GTPBP4: variants seen among roughly 807,000 people sequenced by gnomAD.
GTPBP4 encodes the protein GTP-binding protein 4.
A neutral mutation model predicts 81.7 loss-of-function variants in GTPBP4; 15 were observed. That is an observed-to-expected ratio of 0.18 (90% CI 0.12 to 0.28). The LOEUF is 0.28. Among genes scored for constraint, GTPBP4 ranks in the 10% least tolerant of loss-of-function variants. GTPBP4 has a pLI of 1.00. For synonymous variants in GTPBP4, 272 were observed against 274.6 expected (o/e 0.99, Z 0.09); for missense variants, 847 against 793.8 (o/e 1.07, Z -0.81).
chr10:1,005,963 A>C (rs929228917), intron 9 of GTPBP4, 56 bp downstream of exon 9: 1 of 887,262 alleles, frequency 1.1e-6, no homozygotes, highest in African/African-American at 1.7e-5. Flanking sequence ...GTTTGATTCA[A>C]GTCAGTTGTG....
intron 16 of GTPBP4, 66 bp from the exon 17 acceptor site, chr10:1,017,009 T>G: frequency 7.4e-7 from 1 of 1,349,704 alleles, no homozygotes; most frequent in Non-Finnish European, 1.0e-6. Context: ...ACCCAGTAGT[T>G]GAAATTCAGA....
Position 988,517 on chromosome 10 carries a change from C to G in GTPBP4, c.38C>G (p.Pro13Arg), listed in dbSNP as rs144664436. The G allele has an allele frequency of 7.0e-5, 113 of 1,612,600 alleles. No individual in the cohort carries two copies. The highest frequency in any genetic ancestry group is 3.2e-4 in the African/African-American group (24 of 75,048). ...HYNFKKITVV[P>R]SAKDFIDLTL... ...AACTTCAAGAAAATTACGGTGGTGC[C>G]GTCCGCCAAGGTAGGCGGCCCCGGG... The change falls in exon 1 of 17, where the codon CCG becomes CGG. Residue 13 changes from proline (P) to arginine (R), a missense_variant. Pro to Arg is a moderately radical substitution (Grantham distance 103, BLOSUM62 -2). Coordinates refer to ENST00000360803, the MANE Select transcript of GTPBP4 (RefSeq NM_012341.3).
chr10:994,537 C>T (rs767467191), intron 2 of GTPBP4, among the ~76,000 whole-genome samples: 1 of 152,190 alleles, frequency 6.6e-6, no homozygotes, highest in Non-Finnish European at 1.5e-5. Flanking sequence ...TCCCAAAGTG[C>T]TGGGATTACA....
In GTPBP4 at chr10:1,014,311, A is replaced by G. The variant is rs1472835911; in HGVS notation, c.1607A>G (p.Asp536Gly). 1 of 1,604,218 alleles carries G rather than the reference A, an allele frequency of 6.2e-7. No homozygotes were observed. The highest frequency in any genetic ancestry group is 2.2e-5 in the East Asian group (1 of 44,812). ...GGTGTTGACATGGACGATAAAGACG[A>G]TGTGAGTGTGGGGGCGGTTCATGTG... ...SLGVDMDDKD[D>G]AHYAVQARRS... Residue 536 changes from aspartate (D) to glycine (G), a missense_variant and splice_region_variant, in exon 15 of 17, where the codon GAT becomes GGT. Physicochemically the swap from Asp to Gly is moderately conservative, Grantham distance 94. Coordinates refer to ENST00000360803, the MANE Select transcript of GTPBP4 (RefSeq NM_012341.3).
At chr10:1,004,674 C>T (rs1831693270) in intron 8 of GTPBP4, among the ~76,000 whole-genome samples, 1 of 152,152 alleles carries the variant, frequency 6.6e-6, no homozygotes, top group Non-Finnish European at 1.5e-5. Flanking sequence ...GTGCTATTTA[C>T]CAGGAGGCAG....
intron 11 of GTPBP4, 121 bp from the exon 12 acceptor site, chr10:1,009,408 A>G: frequency 1.3e-6 from 1 of 754,566 alleles, no homozygotes; most frequent in Non-Finnish European, 2.4e-6. Flanking sequence ...CAGAAATGGA[A>G]GGTGAACCCC....
chr10:989,289 A>G (rs1165353046), intron 1 of GTPBP4, among the ~76,000 whole-genome samples: 4 of 151,882 alleles, frequency 2.6e-5, no homozygotes, highest in Non-Finnish European at 5.9e-5. Context: ...TAATTTTCGT[A>G]TTTTTAGTAG....
chr10:1,007,696 C>G (rs1257782743), intron 10 of GTPBP4, among the ~76,000 whole-genome samples: 1 of 152,248 alleles, frequency 6.6e-6, no homozygotes, highest in East Asian at 1.9e-4. Flanking sequence ...GACAACGTTC[C>G]TGTCCCACAG....
Position 1,019,803 on chromosome 10 carries a change from A to T in GTPBP4, c.*2576A>T. 3 of 1,614,044 alleles carry T rather than the reference A, an allele frequency of 1.9e-6. No homozygotes were observed. The highest frequency in any genetic ancestry group is 2.5e-6 in the Non-Finnish European group (3 of 1,179,918). On this transcript the variant is annotated 3_prime_UTR_variant, in exon 17 of 17. Transcript: ENST00000360803. ...GTCTGATTTTGCCTTGTGGTGATAG[A>T]TTGTCATGAACACAATGTCCTCTGG...
chr10:1,013,813 G>A (rs1831924761), intron 14 of GTPBP4, among the ~76,000 whole-genome samples: 3 of 152,160 alleles, frequency 2.0e-5, no homozygotes, highest in Admixed American at 2.0e-4. Context: ...TGAATACACT[G>A]TTTTCACATG....
chr10:1,011,085 TGTG>T (rs1476569449), intron 13 of GTPBP4, among the ~76,000 whole-genome samples: 17 of 95,114 alleles, frequency 1.8e-4, no homozygotes, highest in East Asian at 8.0e-4. Flanking sequence ...CCATCCTGAC[TGTG>T]CCTCCTGCAC....
At chr10:1,003,916 G>C (rs1283521459) in intron 8 of GTPBP4, among the ~76,000 whole-genome samples, 1 of 152,136 alleles carries the variant, frequency 6.6e-6, no homozygotes, top group Non-Finnish European at 1.5e-5. Flanking sequence ...CCTAGCCTTA[G>C]GGTCTTGTGT....
intron 2 of GTPBP4, 148 bp from the exon 3 acceptor site, chr10:995,781 C>A: frequency 1.7e-6 from 1 of 597,296 alleles, no homozygotes. Flanking sequence ...TCTCAGAGGA[C>A]TAAATAGACA....
intron 8 of GTPBP4, among the ~76,000 whole-genome samples, chr10:1,004,911 C>T (rs1321944120): frequency 3.3e-5 from 5 of 152,184 alleles, no homozygotes; most frequent in Admixed American, 2.6e-4. Context: ...GGAGTATAGC[C>T]GCCCCATGGG....
intron 8 of GTPBP4, among the ~76,000 whole-genome samples, chr10:1,005,338 G>C (rs371883107): frequency 1.3e-5 from 2 of 152,204 alleles, no homozygotes; most frequent in South Asian, 4.1e-4. Flanking sequence ...GCAGAGACAG[G>C]GTTTCACCAT....
rs12772979 is a variant in GTPBP4 at position 988,472 on chromosome 10, C to T, written c.-8C>T. ...GTGCCAAGTACCCGCGTGCATACGG[C>T]TGCCGGCATGGCACATTACAACTTC... On this transcript the variant is annotated 5_prime_UTR_variant, in exon 1 of 17. Coordinates refer to ENST00000360803, the MANE Select transcript of GTPBP4 (RefSeq NM_012341.3). 255,994 of 1,609,230 alleles carry T rather than the reference C, an allele frequency of 0.16. 23,008 individuals carry two copies. Among genetic ancestry groups the T allele is most frequent in the Non-Finnish European group, 0.19 (218,082 of 1,175,892 alleles).
rs1832056585 is a variant in GTPBP4, at chr10:1,019,705, T to C, written c.*2478T>C. Reference sequence around the variant, plus strand: ...AGGTAGAGGATGCTTTTCGTTTCACTGGGATCCGGGTTCAGAGTGACGTTT... The same window carrying C: ...AGGTAGAGGATGCTTTTCGTTTCACCGGGATCCGGGTTCAGAGTGACGTTT... On this transcript the variant is annotated 3_prime_UTR_variant, in exon 17 of 17. Transcript: ENST00000360803. 6.2e-7 allele frequency: 1 copy of C among 1,614,086 alleles called. No homozygotes were observed. The highest frequency in any genetic ancestry group is 1.3e-5 in the African/African-American group (1 of 75,026).
chr10:1,003,489 A>G (rs1831675112), intron 8 of GTPBP4, among the ~76,000 whole-genome samples: 1 of 152,020 alleles, frequency 6.6e-6, no homozygotes, highest in South Asian at 2.1e-4. Context: ...GTGTCCCTGC[A>G]TTGATGTCTC....
At chr10:1,013,561 G>T (rs1831918996) in intron 14 of GTPBP4, among the ~76,000 whole-genome samples, 1 of 152,046 alleles carries the variant, frequency 6.6e-6, no homozygotes, top group African/African-American at 2.4e-5. Flanking sequence ...AGTGAGCCGA[G>T]ATTGTGCCAG....
Sources: gnomAD v4.1 joint callset for allele counts (sites outside exome capture counted in the v4.1 genomes callset) on GRCh38, gnomAD v4.1.1 for gene constraint, MANE v1.5 for transcripts, NCBI Gene and HGNC (gene_info 2026-07-23, HGNC 2026-07-21) for gene names.